Variants in PCSK6 observed in about 807,000 individuals in gnomAD.
The protein encoded by PCSK6 is paired basic amino acid cleaving enzyme 4.
PCSK6 carries 85 observed loss-of-function variants against 123.3 expected under a neutral mutation model. The observed-to-expected ratio is 0.69, with a 90% CI of 0.58 to 0.83. The LOEUF (loss-of-function observed/expected upper bound fraction) is 0.83, where lower values mean the gene tolerates loss of function less well. Ranked by LOEUF, PCSK6 falls within the 40% of genes least tolerant of loss-of-function variation. The pLI is 0.00. For missense variants in PCSK6, 1,191 were observed against 1,282.3 expected, an observed-to-expected ratio of 0.93 and a Z score of 1.09; for synonymous variants, 508 against 516.0, an observed-to-expected ratio of 0.98 and a Z score of 0.21.
In PCSK6 at chr15:101,370,380, T is replaced by C; in HGVS notation, c.1676A>G (p.Tyr559Cys). The C allele has an allele frequency of 6.4e-7, 1 of 1,554,514 alleles. No homozygotes were observed. Among genetic ancestry groups the C allele is most frequent in the South Asian group, 1.2e-5 (1 of 84,012 alleles). ...SHPRRGDLQI[Y>C]LVSPSGTKSQ... The stretch of plus-strand genomic sequence containing the variant: ...CTTGGTTCCCGAGGGAGAAACCAGG[T>C]AGATCTGGAGGTCTCCTCGGCGTGG... Residue 559 changes from tyrosine (Y) to cysteine (C), a missense_variant, in exon 12 of 22, where the codon TAC (tyrosine) becomes TGC (cysteine). Coordinates refer to ENST00000611716, the MANE Select transcript of PCSK6 (RefSeq NM_002570.5).
chr15:101,431,876 G>C, intron 3 of PCSK6, 114 bp downstream of exon 3: 1 of 779,578 alleles, frequency 1.3e-6, no homozygotes, highest in Non-Finnish European at 2.2e-6. Context: ...TCAAGGTGAA[G>C]TGTGTCTGTC....
intron 6 of PCSK6, among the ~76,000 whole-genome samples, chr15:101,427,389 C>T (rs71416211): frequency 9.2e-5 from 14 of 152,026 alleles, no homozygotes; most frequent in Admixed American, 2.0e-4. Context: ...TGGTTCAAGC[C>T]CAGGCATCAA....
At chr15:101,407,916 G>A (rs1054099415) in intron 6 of PCSK6, among the ~76,000 whole-genome samples, 2 of 152,206 alleles carry the variant, frequency 1.3e-5, no homozygotes, top group Non-Finnish European at 2.9e-5. Flanking sequence ...TTTGATAATC[G>A]GGTCCTGTTG....
At chr15:101,429,668 T>C (rs948502919) in intron 5 of PCSK6, among the ~76,000 whole-genome samples, 1 of 152,244 alleles carries the variant, frequency 6.6e-6, no homozygotes, top group Non-Finnish European at 1.5e-5. Context: ...CAGCAGGTCA[T>C]GGAGACGGTT....
chr15:101,345,273 GA>G (rs1441024307), intron 13 of PCSK6, among the ~76,000 whole-genome samples: 44 of 152,140 alleles, frequency 2.9e-4, no homozygotes, highest in African/African-American at 1.0e-3. Flanking sequence ...TCTGTTGTTG[GA>G]AATAAAAGTC....
intron 13 of PCSK6, among the ~76,000 whole-genome samples, chr15:101,345,444 T>C (rs1248074136): frequency 6.6e-6 from 1 of 152,168 alleles, no homozygotes; most frequent in African/African-American, 2.4e-5. Flanking sequence ...TCAAACAAAT[T>C]GGGACTTTTT....
chr15:101,322,990 G>C (rs2141355427), intron 17 of PCSK6, among the ~76,000 whole-genome samples: 1 of 152,352 alleles, frequency 6.6e-6, no homozygotes, highest in Non-Finnish European at 1.5e-5. Context: ...GCCCACCACG[G>C]TGCTTTCTCA....
intron 1 of PCSK6, among the ~76,000 whole-genome samples, chr15:101,483,882 TAACATGGGC>T (rs956497480): frequency 8.5e-5 from 13 of 152,326 alleles, no homozygotes; most frequent in Non-Finnish European, 1.3e-4. Context: ...AGGGACTTCT[TAACATGGGC>T]CTGCAGGCAC....
intron 6 of PCSK6, among the ~76,000 whole-genome samples, chr15:101,399,428 T>C (rs1162663121): frequency 6.6e-6 from 1 of 152,094 alleles, no homozygotes; most frequent in South Asian, 2.1e-4. Flanking sequence ...TGGGTTTGGG[T>C]TCTATGTTCC....
chr15:101,476,585 A>G (rs1455226142), intron 1 of PCSK6, among the ~76,000 whole-genome samples: 5 of 151,656 alleles, frequency 3.3e-5, no homozygotes. Context: ...AACAACAAAA[A>G]TTCTTTTTGT....
chr15:101,403,252 C>T (rs1326799209), intron 6 of PCSK6, among the ~76,000 whole-genome samples: 1 of 120,708 alleles, frequency 8.3e-6, no homozygotes, highest in Non-Finnish European at 1.6e-5. Context: ...AGGGGAACAT[C>T]ACACTCTGGG....
intron 1 of PCSK6, among the ~76,000 whole-genome samples, chr15:101,444,006 T>G (rs2056823987): frequency 6.6e-6 from 1 of 152,192 alleles, no homozygotes; most frequent in Non-Finnish European, 1.5e-5. Flanking sequence ...ATCCCTGAAG[T>G]AGCTAAGTTG....
chr15:101,348,889 G>C (rs1417176054), intron 13 of PCSK6, among the ~76,000 whole-genome samples: 1 of 152,198 alleles, frequency 6.6e-6, no homozygotes, highest in Admixed American at 6.5e-5. Flanking sequence ...GTCTGCGGCA[G>C]CCTGGTCTCC....
Position 101,432,109 on chromosome 15 carries a change from A to C in PCSK6, c.403-9T>G, listed in dbSNP as rs771690999. On this transcript the variant is annotated splice_polypyrimidine_tract_variant and intron_variant, in intron 2 of 21. Coordinates refer to ENST00000611716, the MANE Select transcript of PCSK6 (RefSeq NM_002570.5). Reference sequence around the variant, plus strand: ...TGCTGGAGCCATTTCACCTACCAGAAGAAATGCAATTACTGTTTATATTAG... The same window carrying C: ...TGCTGGAGCCATTTCACCTACCAGACGAAATGCAATTACTGTTTATATTAG... 6.2e-7 allele frequency: 1 copy of C among 1,604,576 alleles called. No individual in the cohort carries two copies. Among genetic ancestry groups the C allele is most frequent in the Non-Finnish European group, 8.5e-7 (1 of 1,172,650 alleles).
intron 6 of PCSK6, among the ~76,000 whole-genome samples, chr15:101,400,888 C>T (rs2042566675): frequency 6.6e-6 from 1 of 152,174 alleles, no homozygotes; most frequent in Admixed American, 6.5e-5. Context: ...TCATTCTACC[C>T]AGTTTTGAAG....
At chr15:101,323,343 G>C (rs1430063862) in intron 17 of PCSK6, among the ~76,000 whole-genome samples, 2 of 152,204 alleles carry the variant, frequency 1.3e-5, no homozygotes, top group Admixed American at 1.3e-4. Context: ...GGATGAAGGC[G>C]CCTCCGTCCT....
chr15:101,411,641 G>T (rs2055691356), intron 6 of PCSK6, among the ~76,000 whole-genome samples: 1 of 152,144 alleles, frequency 6.6e-6, no homozygotes, highest in Non-Finnish European at 1.5e-5. Context: ...ACGAGACAGG[G>T]CCAATAGAAC....
chr15:101,332,589 A>T (rs2040394781), intron 13 of PCSK6, among the ~76,000 whole-genome samples: 1 of 152,160 alleles, frequency 6.6e-6, no homozygotes, highest in South Asian at 2.1e-4. Context: ...ACAGTGAGGG[A>T]TGTTCTGGGG....
In PCSK6 at chr15:101,370,454, C is replaced by T; in HGVS notation, c.1602G>A (p.Gln534=). Residue 534 remains glutamine (Q), a synonymous_variant, in exon 12 of 22, where the codon CAG becomes CAA. Transcript: ENST00000611716. The part of the protein sequence containing the change: ...LTSACAEHSD[Q]RVVYLEHVVV... ...CCACGTGCTCCAAGTAGACCACCCG[C>T]TGGTCCGAGTGCTCCGCGCAGGCGC... The T allele has an allele frequency of 3.2e-6, 5 of 1,551,054 alleles. No individual in the cohort carries two copies. Among genetic ancestry groups the T allele is most frequent in the Non-Finnish European group, 4.4e-6 (5 of 1,146,550 alleles).
Sources: gnomAD v4.1 joint callset for allele counts (sites outside exome capture counted in the v4.1 genomes callset) on GRCh38, gnomAD v4.1.1 for gene constraint, MANE v1.5 for transcripts, NCBI Gene and HGNC (gene_info 2026-07-23, HGNC 2026-07-21) for gene names.